Variants in CARNS1 observed in about 807,000 individuals in gnomAD.
CARNS1 encodes the protein ATP-grasp domain containing 1.
Under a neutral mutation model 74.0 loss-of-function variants are expected in CARNS1, and 61 were observed. That is an observed-to-expected ratio of 0.82 (90% CI 0.67 to 1.02). CARNS1 has a LOEUF of 1.02. CARNS1 is among the 50% of genes least tolerant of loss of function. The pLI is 0.00. For missense variants in CARNS1, 1,278 were observed against 1,308.4 expected (o/e 0.98, Z 0.36); for synonymous variants, 568 against 605.5 (o/e 0.94, Z 0.91).
chr11:67,419,987 G>T, intron 7 of CARNS1, 149 bp downstream of exon 7: 1 of 750,486 alleles, frequency 1.3e-6, no homozygotes, highest in South Asian at 1.7e-5. Context: ...GAAACTACTG[G>T]GTCTGACCGT....
chr11:67,424,537 G>T lies in CARNS1; in HGVS notation c.2789G>T (p.Cys930Phe), dbSNP rs1183517996. The change falls in exon 10 of 10, where the codon TGC (cysteine) becomes TTC (phenylalanine). Residue 930 changes from cysteine to phenylalanine, a missense_variant. Coordinates refer to ENST00000687366, the MANE Select transcript of CARNS1 (RefSeq NM_001166222.2). ...TEARLRLLGL[C>F]QGLGIDGPSY... ...GCCCGTCTCCGCCTGCTGGGCCTCT[G>T]CCAGGGCCTGGGCATCGATGGGCCC... 2 of 1,602,148 alleles carry T rather than the reference G, an allele frequency of 1.2e-6. No homozygotes were observed. Among genetic ancestry groups the T allele is most frequent in the Admixed American group, 1.7e-5 (1 of 58,616 alleles).
intron 5 of CARNS1, 83 bp downstream of exon 5, chr11:67,419,326 A>G: frequency 6.8e-7 from 1 of 1,466,536 alleles, no homozygotes; most frequent in Non-Finnish European, 9.0e-7. Context: ...CTGGCTGGAA[A>G]GGTGTCCCTA....
chr11:67,418,253 C>G (rs79984183), intron 3 of CARNS1, among the ~76,000 whole-genome samples, 178 bp from the exon 4 acceptor site: 5,619 of 152,260 alleles, frequency 0.037, 448 homozygotes, highest in Admixed American at 0.18. Flanking sequence ...AAGGGGAAAC[C>G]AGCTTCACGG....
At position 67,415,827 on chromosome 11, in the gene CARNS1, C is replaced by A. The variant is rs572336990; in HGVS notation, c.-25+64C>A. 913 of 168,188 alleles carry A rather than the reference C, an allele frequency of 5.4e-3. 9 individuals are homozygous for A. The highest frequency in any genetic ancestry group is 6.3e-3 in the Non-Finnish European group (488 of 78,070). The allele number at this position is 168,188 out of a possible 1,614,324, so 10.4% of individuals were successfully genotyped here. ...AGGGGGGCGGCCGGGGCAGGAGTCG[C>A]GGGGACGAGGACCCCGGGCGCCCGC... On this transcript the variant is annotated intron_variant, in intron 1 of 9. Coordinates refer to ENST00000687366, the MANE Select transcript of CARNS1 (RefSeq NM_001166222.2).
At position 67,417,691 on chromosome 11, in the gene CARNS1, C is replaced by T; in HGVS notation, c.274+14C>T. 4 of 1,248,204 alleles carry T rather than the reference C, an allele frequency of 3.2e-6. No homozygotes were observed. The highest frequency in any genetic ancestry group is 3.0e-6 in the Non-Finnish European group (3 of 995,012). 77.3% of individuals were successfully genotyped at this position (1,248,204 alleles called of 1,614,324 possible). On this transcript the variant is annotated intron_variant, in intron 3 of 9. Coordinates refer to ENST00000687366, the MANE Select transcript of CARNS1 (RefSeq NM_001166222.2). Reference sequence around the variant, plus strand: ...TGCCCCGCACAGGTGCCCAAGGGCTCCCTGGAGGGAGGCACCTCTGGGGGC... The same window carrying T: ...TGCCCCGCACAGGTGCCCAAGGGCTTCCTGGAGGGAGGCACCTCTGGGGGC...
Position 67,418,852 on chromosome 11 carries a change from G to A in CARNS1, c.461G>A (p.Ser154Asn), listed in dbSNP as rs2135083380. 6.2e-7 allele frequency: 1 copy of A among 1,600,996 alleles called. No individual in the cohort carries two copies. Among genetic ancestry groups the A allele is most frequent in the East Asian group, 2.3e-5 (1 of 44,244 alleles). ...GCCCTGCTAGTCTCCAAGGCTGTGA[G>A]CTTCCACCCTGGGGGCCTGACATTC... ...EAALLVSKAVSFHPGGLTFLD... is the reference protein window; with the variant it reads ...EAALLVSKAVNFHPGGLTFLD... Residue 154 changes from serine to asparagine, a missense_variant, in exon 5 of 10, where the codon AGC becomes AAC. By Grantham distance (46) the Ser-to-Asn change is conservative. Coordinates refer to ENST00000687366, the MANE Select transcript of CARNS1 (RefSeq NM_001166222.2).
intron 1 of CARNS1, 149 bp downstream of exon 1, chr11:67,415,912 T>A: frequency 6.4e-5 from 13 of 204,034 alleles, no homozygotes; most frequent in East Asian, 1.1e-4. Context: ...TGCCCCCAAC[T>A]CCCCCCCGCG....
At chr11:67,420,306 C>A (rs1863663107) in intron 7 of CARNS1, among the ~76,000 whole-genome samples, 2 of 152,028 alleles carry the variant, frequency 1.3e-5, no homozygotes, top group Admixed American at 6.5e-5. Context: ...GGGAAAGGTG[C>A]GCCCCAGGGA....
chr11:67,419,145 C>T lies in CARNS1; in HGVS notation c.754C>T (p.Arg252Trp), dbSNP rs570881759. ...GGGAGGGGATGCCAGCCTAGGGCTA[C>T]GGCTGGTGGAGCTGAGTGGCAAAGA... Reference protein sequence around the residue: ...LRGGDASLGLRLVELSGKEGQ... With the variant: ...LRGGDASLGLWLVELSGKEGQ... Residue 252 changes from arginine to tryptophan, a missense_variant, in exon 5 of 10, where the codon CGG becomes TGG. Transcript: ENST00000687366. 9.6e-6 allele frequency: 15 copies of T among 1,565,564 alleles called. No individual in the cohort carries two copies. Among genetic ancestry groups the T allele is most frequent in the African/African-American group, 9.4e-5 (7 of 74,148 alleles).
chr11:67,416,446 C>T, intron 2 of CARNS1: 1 of 1,356,538 alleles, frequency 7.4e-7, no homozygotes, highest in South Asian at 1.6e-5. Flanking sequence ...GGAGACGGCA[C>T]AGAGGCTCTG....
chr11:67,417,516 T>C lies in CARNS1; in HGVS notation c.113T>C (p.Phe38Ser). 1 of 1,428,940 alleles carries C rather than the reference T, an allele frequency of 7.0e-7. No individual in the cohort carries two copies. The highest frequency in any genetic ancestry group is 9.1e-7 in the Non-Finnish European group (1 of 1,094,694). The allele number at this position is 1,428,940 out of a possible 1,614,324, so 88.5% of individuals were successfully genotyped here. A position where few individuals can be genotyped will look rare whatever the true frequency, so the allele number is the denominator to read the frequency against. ...GGSGLPPTGC[F>S]PGSWRQDVGL... is the part of the protein sequence containing the mutation. ...TCTGGCCTGCCGCCCACAGGCTGCT[T>C]CCCTGGCTCCTGGCGCCAGGACGTG... Residue 38 changes from phenylalanine to serine, a missense_variant, in exon 3 of 10, where the codon TTC becomes TCC. Phe to Ser is a radical substitution (Grantham distance 155, BLOSUM62 -2). Transcript: ENST00000687366.
chr11:67,419,934 CAG>C (rs1207486889), intron 7 of CARNS1, 96 bp downstream of exon 7: 5 of 1,269,556 alleles, frequency 3.9e-6, no homozygotes, highest in Non-Finnish European at 5.5e-6. Flanking sequence ...CGTCTCTGGG[CAG>C]AGAGGACAAA....
chr11:67,416,634 C>T, intron 2 of CARNS1: 1 of 1,003,564 alleles, frequency 1.0e-6, no homozygotes, highest in Non-Finnish European at 1.2e-6. Context: ...ACGACTTGCT[C>T]AAGGTGGCCG....
intron 8 of CARNS1, 27 bp downstream of exon 8, chr11:67,420,867 C>A: frequency 7.9e-7 from 1 of 1,273,528 alleles, no homozygotes; most frequent in Non-Finnish European, 9.9e-7. Flanking sequence ...GGGGCCGGGG[C>A]CGGGAGCCGA....
rs769514489 is a variant in CARNS1 at position 67,424,055 on chromosome 11, C to T, written c.2307C>T (p.Thr769=). The T allele has an allele frequency of 4.1e-5, 66 of 1,612,726 alleles. No individual in the cohort carries two copies. Among genetic ancestry groups the T allele is most frequent in the Admixed American group, 5.0e-5 (3 of 59,900 alleles). Reference sequence around the variant, plus strand: ...CTGAGACGGCGGCCTGCATGCCCACCGGGCTGGCACCAGAGCAGGAGGCAC... The same window carrying T: ...CTGAGACGGCGGCCTGCATGCCCACTGGGCTGGCACCAGAGCAGGAGGCAC... ...GFTETAACMP[T]GLAPEQEAQM... The change falls in exon 10 of 10, where the codon ACC becomes ACT. Residue 769 remains threonine (T), a synonymous_variant. Transcript: ENST00000687366.
chr11:67,419,025 G>A lies in CARNS1; in HGVS notation c.634G>A (p.Asp212Asn), dbSNP rs1460665729. ...GGCTGAGCTGGCCCGGCTGCTGGAG[G>A]ACCGGCTGCTGACAAGGCAGTTGCT... Reference protein sequence around the residue: ...ASAELARLLEDRLLTRQLLAQ... With the variant: ...ASAELARLLENRLLTRQLLAQ... Residue 212 changes from aspartate to asparagine, a missense_variant, in exon 5 of 10, where the codon GAC (aspartate) becomes AAC (asparagine). Coordinates refer to ENST00000687366, the MANE Select transcript of CARNS1 (RefSeq NM_001166222.2). 2 of 1,557,640 alleles carry A rather than the reference G, an allele frequency of 1.3e-6. No homozygotes were observed. The highest frequency in any genetic ancestry group is 1.9e-5 in the Admixed American group (1 of 51,990).
Position 67,424,254 on chromosome 11 carries a change from C to T in CARNS1, c.2506C>T (p.Leu836=), listed in dbSNP as rs368699647. The change falls in exon 10 of 10, where the codon CTG becomes TTG. Residue 836 remains leucine (L), a synonymous_variant. Coordinates refer to ENST00000687366, the MANE Select transcript of CARNS1 (RefSeq NM_001166222.2). ...GGAGCTCTATGGTGTTGACCTGCTG[C>T]TGGCTGCTGTTATGGTGGCCTGTGG... is the stretch of plus-strand genomic sequence containing the variant. ...ILELYGVDLL[L]AAVMVACGLR... is the part of the protein sequence containing the mutation. The T allele has an allele frequency of 3.9e-4, 627 of 1,613,472 alleles. No individual in the cohort carries two copies. Among genetic ancestry groups the T allele is most frequent in the Non-Finnish European group, 5.1e-4 (596 of 1,179,900 alleles).
rs1459667881 is a variant in CARNS1, at chr11:67,421,202, C to T, written c.1609C>T (p.Arg537Cys). 2.0e-6 allele frequency: 3 copies of T among 1,491,260 alleles called. No individual in the cohort carries two copies. Among genetic ancestry groups the T allele is most frequent in the African/African-American group, 1.5e-5 (1 of 68,436 alleles). 92.4% of individuals were successfully genotyped at this position (1,491,260 alleles called of 1,614,324 possible). Residue 537 changes from arginine (R) to cysteine (C), a missense_variant, in exon 9 of 10, where the codon CGC becomes TGC. Arg to Cys is a radical substitution (Grantham distance 180, BLOSUM62 -3). Around this residue, in one of 3 missense-constraint regions of CARNS1, gnomAD observed 1,164 missense variants for 1,156.5 expected, o/e 1.01. Transcript: ENST00000687366. The stretch of plus-strand genomic sequence containing the variant: ...CAAGAAGTTCGTGTGGGAGGCGGCG[C>T]GCGACTACGGGCTCCAGGTGGGCGG... ...VSKKFVWEAA[R>C]DYGLQLHLVE...
At position 67,423,873 on chromosome 11, in the gene CARNS1, G is replaced by A; in HGVS notation, c.2125G>A (p.Ala709Thr). The A allele has an allele frequency of 3.7e-6, 6 of 1,613,294 alleles. No individual in the cohort carries two copies. The highest frequency in any genetic ancestry group is 5.1e-6 in the Non-Finnish European group (6 of 1,179,890). ...SRITRDLQGE[A>T]DHPGIGLGWG... is the part of the protein sequence containing the mutation. ...GATTACCCGAGACTTGCAGGGCGAG[G>A]CCGACCACCCAGGCATTGGGCTGGG... is the stretch of plus-strand genomic sequence containing the variant. The change falls in exon 10 of 10, where the codon GCC becomes ACC. Residue 709 changes from alanine to threonine, a missense_variant. Ala to Thr is a moderately conservative substitution (Grantham distance 58). Around this residue, in one of 3 missense-constraint regions of CARNS1, gnomAD observed 1,164 missense variants for 1,156.5 expected, o/e 1.01. Transcript: ENST00000687366. This position sits in a 1 kb window ranked among gnomAD's most constrained non-coding sequence, Gnocchi z 5.1.
Sources: allele counts gnomAD v4.1 joint callset (sites outside exome capture counted in the v4.1 genomes callset), GRCh38; gene constraint gnomAD v4.1.1; regional missense constraint gnomAD v4.1.1; non-coding constraint Gnocchi (gnomAD v3.1); transcripts MANE v1.5; gene names NCBI Gene and HGNC (gene_info 2026-07-23, HGNC 2026-07-21).